ASPRV1: variants seen among roughly 807,000 people sequenced by gnomAD.
The protein encoded by ASPRV1 is aspartic peptidase retroviral like 1.
ASPRV1 carries 7 observed loss-of-function variants against 11.0 expected under a neutral mutation model. The observed-to-expected ratio is 0.64, with a 90% CI of 0.36 to 1.20. The LOEUF is 1.20. ASPRV1 is among the 50% of genes most tolerant of loss of function. The pLI is 0.02. For synonymous variants in ASPRV1, 136 were observed against 138.4 expected, an observed-to-expected ratio of 0.98 and a Z score of 0.12; for missense variants, 299 against 320.0, an observed-to-expected ratio of 0.93 and a Z score of 0.50.
At chr2:70,080,919 T>C in the ASPRV1 span, 1 of 152,162 alleles carries the variant, frequency 6.6e-6, no homozygotes, top group Non-Finnish European at 1.5e-5. Context: ...ACTCCTTACC[T>C]CAACCTGCCC....
chr2:69,974,868 C>T, the ASPRV1 span, among the ~76,000 whole-genome samples: 1 of 152,204 alleles, frequency 6.6e-6, no homozygotes, highest in Non-Finnish European at 1.5e-5. Flanking sequence ...GAGGAGGGCA[C>T]AGAACCGTAA....
the ASPRV1 span, among the ~76,000 whole-genome samples, chr2:70,037,226 C>T: frequency 8.5e-5 from 13 of 152,176 alleles, no homozygotes; most frequent in African/African-American, 3.1e-4. Context: ...GATAGGTAAC[C>T]TTCCAATTTT....
the ASPRV1 span, among the ~76,000 whole-genome samples, chr2:70,000,788 CAAAAAAAAAA>C: frequency 2.2e-3 from 94 of 42,042 alleles, no homozygotes; most frequent in East Asian, 7.0e-3. Flanking sequence ...GACCCTGCCT[CAAAAAAAAAA>C]AAAAAAAAAA....
the ASPRV1 span, among the ~76,000 whole-genome samples, chr2:70,069,787 T>C: frequency 6.6e-6 from 1 of 152,168 alleles, no homozygotes; most frequent in Non-Finnish European, 1.5e-5. Context: ...GTTATTTGCT[T>C]GAGGTTCATC....
chr2:69,935,253 G>C, the ASPRV1 span: 64 of 815,300 alleles, frequency 7.8e-5, no homozygotes, highest in Admixed American at 1.4e-4. Flanking sequence ...CCATCGCAAG[G>C]CCTGGGCAAC....
chr2:69,984,478 C>T, the ASPRV1 span, among the ~76,000 whole-genome samples: 1 of 152,180 alleles, frequency 6.6e-6, no homozygotes, highest in African/African-American at 2.4e-5. Flanking sequence ...GTGCTGAGAA[C>T]AGTGTGGGAC....
At chr2:69,979,292 CA>C in the ASPRV1 span, among the ~76,000 whole-genome samples, 5 of 152,314 alleles carry the variant, frequency 3.3e-5, no homozygotes, top group African/African-American at 1.2e-4. Flanking sequence ...CTCGGCCTCC[CA>C]AAGTGCTGGG....
At chr2:69,938,266 G>A in the ASPRV1 span, 2 of 1,614,176 alleles carry the variant, frequency 1.2e-6, no homozygotes, top group Admixed American at 1.7e-5. Flanking sequence ...ACAGTCACAA[G>A]GCGTGTCTTG....
chr2:70,028,450 A>C, the ASPRV1 span: 1 of 152,118 alleles, frequency 6.6e-6, no homozygotes, highest in Non-Finnish European at 1.5e-5. Flanking sequence ...TGCTCTCTGC[A>C]TGGGCTCTCT....
At chr2:69,933,219 A>AAAAAAC in the ASPRV1 span, among the ~76,000 whole-genome samples, 1 of 150,654 alleles carries the variant, frequency 6.6e-6, no homozygotes, top group Non-Finnish European at 1.5e-5. Flanking sequence ...AAAAAAAAAA[A>AAAAAAC]AAAAACAAAA....
chr2:69,939,259 A>G, the ASPRV1 span: 3 of 152,624 alleles, frequency 2.0e-5, no homozygotes, highest in African/African-American at 7.2e-5. Context: ...GTGAAAGAAA[A>G]AGTCCACATT....
chr2:70,067,361 G>C, the ASPRV1 span, among the ~76,000 whole-genome samples: 1 of 152,214 alleles, frequency 6.6e-6, no homozygotes, highest in Admixed American at 6.5e-5. Flanking sequence ...ATCCCAGTGG[G>C]GTTGTAAGCA....
the ASPRV1 span, among the ~76,000 whole-genome samples, chr2:70,080,601 T>G: frequency 6.6e-6 from 1 of 152,180 alleles, no homozygotes; most frequent in Non-Finnish European, 1.5e-5. Context: ...ATTTACATTT[T>G]CTCCTTAGAA....
chr2:69,946,641 C>CA, the ASPRV1 span, among the ~76,000 whole-genome samples: 1 of 152,222 alleles, frequency 6.6e-6, no homozygotes, highest in African/African-American at 2.4e-5. Flanking sequence ...TTCCAACACT[C>CA]AGAGAAGAAA....
In ASPRV1 at chr2:69,960,430, C is replaced by A; in HGVS notation, c.*227G>T. ...ACAGCAGCTTGATGACCATGGGGAC[C>A]CTGTCCCTCTAAGCCAGCCTGCTCT... On this transcript the variant is annotated 3_prime_UTR_variant, in exon 1 of 1. Coordinates refer to ENST00000320256, the MANE Select transcript of ASPRV1 (RefSeq NM_152792.4). 5.6e-6 allele frequency: 3 copies of A among 532,756 alleles called. No individual in the cohort carries two copies. Among genetic ancestry groups the A allele is most frequent in the Non-Finnish European group, 1.0e-5 (3 of 299,632 alleles). 33.0% of individuals were successfully genotyped at this position (532,756 alleles called of 1,614,324 possible).
chr2:70,026,397 G>A, the ASPRV1 span, among the ~76,000 whole-genome samples: 2 of 151,218 alleles, frequency 1.3e-5, no homozygotes, highest in South Asian at 4.2e-4. Flanking sequence ...GAAATAAAGG[G>A]CATCCAGATT....
the ASPRV1 span, among the ~76,000 whole-genome samples, chr2:70,005,455 TTTTA>T: frequency 6.6e-6 from 1 of 152,308 alleles, no homozygotes; most frequent in Non-Finnish European, 1.5e-5. Flanking sequence ...AAATTGTCAA[TTTTA>T]TTTGTCTTAA....
At chr2:69,988,245 T>G in the ASPRV1 span, among the ~76,000 whole-genome samples, 1 of 152,162 alleles carries the variant, frequency 6.6e-6, no homozygotes, top group Non-Finnish European at 1.5e-5. Context: ...TGGTTTGCAA[T>G]AGCTGAAAGG....
At chr2:70,051,609 C>T in the ASPRV1 span, among the ~76,000 whole-genome samples, 1 of 152,130 alleles carries the variant, frequency 6.6e-6, no homozygotes, top group Admixed American at 6.5e-5. Flanking sequence ...AATTCATTCA[C>T]TCAACAAATA....
Sources: gnomAD v4.1 joint callset for allele counts (sites outside exome capture counted in the v4.1 genomes callset) on GRCh38, gnomAD v4.1.1 for gene constraint, MANE v1.5 for transcripts, NCBI Gene and HGNC (gene_info 2026-07-23, HGNC 2026-07-21) for gene names.